RARB: variants seen among roughly 807,000 people sequenced by gnomAD.
RARB encodes retinoic acid receptor beta, also known as HBV-activated protein.
RARB carries 17 observed loss-of-function variants against 51.9 expected under a neutral mutation model. The ratio of observed to expected loss-of-function variants is 0.33; its 90% CI spans 0.22 to 0.49. The LOEUF is 0.49. RARB is among the 20% of genes least tolerant of loss of function. The pLI is 0.99. For synonymous variants in RARB, 215 were observed against 195.4 expected, an observed-to-expected ratio of 1.10 and a Z score of -0.84; for missense variants, 369 against 550.8, an observed-to-expected ratio of 0.67 and a Z score of 3.30.
At chr3:24,945,231 T>C (rs899622348) in intron 2 of RARB, among the ~76,000 whole-genome samples, 1 of 152,216 alleles carries the variant, frequency 6.6e-6, no homozygotes, top group African/African-American at 2.4e-5. Flanking sequence ...CATATTTGTG[T>C]ATATTTATGT....
At chr3:25,055,206 T>G (rs1164833412) in intron 2 of RARB, among the ~76,000 whole-genome samples, 2 of 152,198 alleles carry the variant, frequency 1.3e-5, no homozygotes, top group African/African-American at 4.8e-5. Flanking sequence ...GGATTTGTAT[T>G]TGTAAATTAA....
chr3:24,834,943 T>C (rs1702324810), intron 1 of RARB, among the ~76,000 whole-genome samples: 1 of 152,162 alleles, frequency 6.6e-6, no homozygotes, highest in Non-Finnish European at 1.5e-5. Context: ...CCCTATTTAT[T>C]TCTTTCATCG....
intron 4 of RARB, among the ~76,000 whole-genome samples, chr3:25,146,061 A>G (rs1700183964): frequency 6.6e-6 from 1 of 152,050 alleles, no homozygotes; most frequent in South Asian, 2.1e-4. Flanking sequence ...TGTGAGTCCT[A>G]GAGTCAGGCA....
At chr3:25,057,160 G>T (rs1025834921) in intron 2 of RARB, among the ~76,000 whole-genome samples, 2 of 152,152 alleles carry the variant, frequency 1.3e-5, no homozygotes, top group South Asian at 2.1e-4. Flanking sequence ...AAGAGTATAA[G>T]TATTTCTGCT....
At chr3:25,539,546 TTTC>T (rs1195814681) in intron 3 of RARB, among the ~76,000 whole-genome samples, 9 of 148,844 alleles carry the variant, frequency 6.0e-5, no homozygotes, top group African/African-American at 1.0e-4. Flanking sequence ...TTTTTTTTTT[TTTC>T]TTTTTTTTGG....
chr3:24,976,828 C>T (rs189351254), intron 2 of RARB, among the ~76,000 whole-genome samples: 147 of 152,260 alleles, frequency 9.7e-4, no homozygotes, highest in African/African-American at 3.4e-3. Flanking sequence ...GACATGAAGT[C>T]CTTGCCCATG....
chr3:25,450,153 T>C (rs1457817014), intron 1 of RARB, among the ~76,000 whole-genome samples: 2 of 152,174 alleles, frequency 1.3e-5, no homozygotes, highest in African/African-American at 4.8e-5. Flanking sequence ...CAGTATATGC[T>C]CCATGAGTGT....
chr3:24,855,046 C>T (rs116324006), intron 1 of RARB, among the ~76,000 whole-genome samples: 4,114 of 152,282 alleles, frequency 0.027, 83 homozygotes, highest in Middle Eastern at 0.058. Flanking sequence ...AAGTAAATCA[C>T]TCCAAGTGAT....
At chr3:24,885,193 G>T (rs1172704635) in intron 2 of RARB, among the ~76,000 whole-genome samples, 1 of 152,038 alleles carries the variant, frequency 6.6e-6, no homozygotes, top group Non-Finnish European at 1.5e-5. Flanking sequence ...TTCGACTCCT[G>T]GCCTTAAATG....
At chr3:24,900,949 C>G (rs984777511) in intron 2 of RARB, among the ~76,000 whole-genome samples, 6 of 152,114 alleles carry the variant, frequency 3.9e-5, no homozygotes, top group Admixed American at 3.3e-4. Context: ...ATTCATTGAT[C>G]CAATATTGGA....
At chr3:25,213,410 A>C (rs1701745813) in intron 5 of RARB, among the ~76,000 whole-genome samples, 1 of 149,778 alleles carries the variant, frequency 6.7e-6, no homozygotes, top group African/African-American at 2.5e-5. Context: ...GTTCTTTTTC[A>C]CTTCCCGGTG....
At chr3:25,326,341 C>A (rs1476595813) in intron 5 of RARB, among the ~76,000 whole-genome samples, 1 of 151,996 alleles carries the variant, frequency 6.6e-6, no homozygotes, top group Non-Finnish European at 1.5e-5. Context: ...GATAGTTGGA[C>A]AAAGGTTTAT....
intron 5 of RARB, among the ~76,000 whole-genome samples, chr3:25,323,789 A>G (rs545571469): frequency 6.6e-6 from 1 of 152,338 alleles, no homozygotes; most frequent in East Asian, 1.9e-4. Context: ...GAACATAGGG[A>G]TAAGATTTAG....
chr3:25,235,186 C>A (rs975543415), intron 5 of RARB, among the ~76,000 whole-genome samples: 7 of 152,148 alleles, frequency 4.6e-5, no homozygotes, highest in Non-Finnish European at 1.0e-4. Flanking sequence ...TCCTTATTAT[C>A]TGCCTGCAGT....
rs186978626 is a variant in RARB at position 25,098,841 on chromosome 3, A to G, written c.-327-33320A>G. On this transcript the variant is annotated intron_variant, in intron 3 of 11. Coordinates refer to the RARB transcript ENST00000383772. ...AACAAATCCAATGTTAATGCCTAAC[A>G]TATTATCTTCCTCCTCAACATCAAC... Among the ~76,000 whole-genome samples the G allele has an allele frequency of 9.8e-5, 15 of 152,346 alleles. No individual in the cohort carries two copies. The East Asian group carries it at 2.7e-3, about 27-fold the overall frequency.
At chr3:25,408,731 A>T (rs1041290393) in intron 5 of RARB, among the ~76,000 whole-genome samples, 1 of 152,146 alleles carries the variant, frequency 6.6e-6, no homozygotes, top group African/African-American at 2.4e-5. Context: ...CCACCATGGC[A>T]CTTAAAAAAA....
chr3:24,891,266 T>G (rs1703373257), intron 2 of RARB, among the ~76,000 whole-genome samples: 1 of 152,214 alleles, frequency 6.6e-6, no homozygotes, highest in Non-Finnish European at 1.5e-5. Context: ...TATGAGTCTT[T>G]CATGCTAGAG....
At chr3:24,980,094 G>GC (rs878935240) in intron 2 of RARB, among the ~76,000 whole-genome samples, 2 of 152,160 alleles carry the variant, frequency 1.3e-5, no homozygotes, top group African/African-American at 4.8e-5. Context: ...TCGAATATTG[G>GC]CCCCCACTCT....
intron 4 of RARB, among the ~76,000 whole-genome samples, chr3:25,573,288 A>G (rs1192815370): frequency 1.3e-5 from 2 of 152,108 alleles, no homozygotes; most frequent in African/African-American, 4.8e-5. Context: ...CCTAAGAGAG[A>G]GAGGCTTCCC....
Sources: allele counts gnomAD v4.1 joint callset (sites outside exome capture counted in the v4.1 genomes callset), GRCh38; gene constraint gnomAD v4.1.1; transcripts MANE v1.5; gene names NCBI Gene and HGNC (gene_info 2026-07-23, HGNC 2026-07-21).